Variants in AMN1 observed in about 807,000 individuals in gnomAD.
AMN1 encodes protein AMN1 homolog.
Under a neutral mutation model 33.0 loss-of-function variants are expected in AMN1, and 20 were observed. The ratio of observed to expected loss-of-function variants is 0.61; its 90% CI spans 0.43 to 0.88. The LOEUF is 0.88. Among genes scored for constraint, AMN1 ranks in the 40% least tolerant of loss-of-function variants. The probability of loss-of-function intolerance (pLI) is 0.00; values close to 1 mark genes in which losing one functional copy is unlikely to be tolerated. For synonymous variants in AMN1, 114 were observed against 111.9 expected (o/e 1.02, Z -0.12); for missense variants, 246 against 307.4 (o/e 0.80, Z 1.49).
intron 2 of AMN1, among the ~76,000 whole-genome samples, chr12:31,707,893 A>G (rs1308204959): frequency 6.6e-6 from 1 of 152,220 alleles, no homozygotes; most frequent in Non-Finnish European, 1.5e-5. Context: ...TTTCATGGAC[A>G]TTTATCACTT....
intron 1 of AMN1, among the ~76,000 whole-genome samples, chr12:31,718,324 T>G (rs1004875440): frequency 2.6e-5 from 4 of 152,110 alleles, no homozygotes; most frequent in Non-Finnish European, 5.9e-5. Flanking sequence ...TAACCTTTTA[T>G]CAAGGTTCTT....
intron 5 of AMN1, among the ~76,000 whole-genome samples, chr12:31,697,130 G>C (rs10734798): frequency 6.6e-6 from 1 of 152,046 alleles, no homozygotes; most frequent in African/African-American, 2.4e-5. Context: ...CTAAAACTTC[G>C]GGGAAATAAG....
rs1938810650 is a variant in AMN1 at position 31,697,975 on chromosome 12, T to C, written c.317-18A>G. 1 of 1,608,394 alleles carries C rather than the reference T, an allele frequency of 6.2e-7. No homozygotes were observed. The highest frequency in any genetic ancestry group is 8.5e-7 in the Non-Finnish European group (1 of 1,175,226). ...TTTTATTCCTGGGGGAAAATATAAT[T>C]ATATATCAATGAGCTATATGTGTGT... On this transcript the variant is annotated intron_variant, in intron 3 of 6. Coordinates refer to ENST00000281471, the MANE Select transcript of AMN1 (RefSeq NM_001113402.2).
At chr12:31,702,065 T>C in intron 2 of AMN1, 58 bp from the exon 3 acceptor site, 1 of 1,423,768 alleles carries the variant, frequency 7.0e-7, no homozygotes, top group Non-Finnish European at 9.4e-7. Flanking sequence ...CAAATATTTA[T>C]TCCATATTCA....
intron 5 of AMN1, among the ~76,000 whole-genome samples, chr12:31,695,101 A>G (rs1016019172): frequency 6.6e-6 from 1 of 152,224 alleles, no homozygotes; most frequent in Non-Finnish European, 1.5e-5. Context: ...ATGTAATGAT[A>G]TGGCACTATA....
intron 6 of AMN1, among the ~76,000 whole-genome samples, chr12:31,677,197 G>A (rs904167077): frequency 1.3e-5 from 2 of 152,188 alleles, no homozygotes; most frequent in Admixed American, 6.5e-5. Context: ...CTACTCGGGA[G>A]GCTGAGGCAG....
At chr12:31,686,166 C>A (rs765280600) in intron 6 of AMN1, among the ~76,000 whole-genome samples, 1 of 152,162 alleles carries the variant, frequency 6.6e-6, no homozygotes, top group African/African-American at 2.4e-5. Flanking sequence ...GGTATTTAGG[C>A]CAGGCATGGT....
intron 6 of AMN1, among the ~76,000 whole-genome samples, chr12:31,685,887 T>G (rs1473346925): frequency 1.3e-5 from 2 of 151,616 alleles, no homozygotes; most frequent in African/African-American, 4.8e-5. Context: ...AGTTTCACTC[T>G]TGTTGCCCAA....
At chr12:31,725,833 A>C (rs1238812335) in intron 1 of AMN1, among the ~76,000 whole-genome samples, 1 of 151,920 alleles carries the variant, frequency 6.6e-6, no homozygotes, top group African/African-American at 2.4e-5. Context: ...GTAGCTGGGA[A>C]TACACATGTG....
At chr12:31,710,837 ACACTT>A (rs1298628860) in intron 1 of AMN1, among the ~76,000 whole-genome samples, 4 of 152,156 alleles carry the variant, frequency 2.6e-5, no homozygotes, top group Admixed American at 1.3e-4. Context: ...AGTCTGGAAA[ACACTT>A]CATATTTCTA....
At chr12:31,725,942 A>G (rs1222870133) in intron 1 of AMN1, among the ~76,000 whole-genome samples, 1 of 152,042 alleles carries the variant, frequency 6.6e-6, no homozygotes, top group Non-Finnish European at 1.5e-5. Context: ...CAAGTGATTC[A>G]CCTGCCTCGG....
At chr12:31,684,048 A>G (rs1200186709) in intron 6 of AMN1, among the ~76,000 whole-genome samples, 1 of 152,198 alleles carries the variant, frequency 6.6e-6, no homozygotes, top group Non-Finnish European at 1.5e-5. Context: ...GGATAATAAA[A>G]TGTGTCAATA....
chr12:31,675,837 C>T (rs1407181402), intron 6 of AMN1, among the ~76,000 whole-genome samples: 2 of 151,578 alleles, frequency 1.3e-5, no homozygotes, highest in East Asian at 1.9e-4. Flanking sequence ...TTCTATCCAA[C>T]ATAGAAATGG....
At chr12:31,693,862 G>A (rs1255220033) in intron 5 of AMN1, among the ~76,000 whole-genome samples, 1 of 151,752 alleles carries the variant, frequency 6.6e-6, no homozygotes, top group African/African-American at 2.4e-5. Flanking sequence ...ATAGAGACAA[G>A]GTTTCACTGT....
chr12:31,688,136 T>G (rs1201298379), intron 6 of AMN1, among the ~76,000 whole-genome samples: 1 of 152,124 alleles, frequency 6.6e-6, no homozygotes, highest in Non-Finnish European at 1.5e-5. Context: ...GTAATTTTAG[T>G]AGAGATGGGG....
Position 31,703,431 on chromosome 12 carries a change from T to C in AMN1, c.172-1424A>G, listed in dbSNP as rs181712338. ...AACACAGTACTTGACAGGTAGTTTTTCAATCCTTGCTTCCCTTCCTCCTTC... is the reference window on the plus strand; with the variant it reads ...AACACAGTACTTGACAGGTAGTTTTCCAATCCTTGCTTCCCTTCCTCCTTC... On this transcript the variant is annotated intron_variant, in intron 2 of 6. Transcript: ENST00000281471. 4.6e-5 allele frequency among the ~76,000 whole-genome samples: 7 copies of C among 152,310 alleles called. No individual in the cohort carries two copies. The East Asian group carries it at 1.2e-3, about 25-fold the overall frequency.
At chr12:31,672,595 TAAA>T in intron 6 of AMN1, 2 of 312,552 alleles carry the variant, frequency 6.4e-6, no homozygotes, top group African/African-American at 2.2e-5. Context: ...ATTACTTGTT[TAAA>T]AAAAAAAAAC....
At chr12:31,674,070 C>T (rs1435795517) in intron 6 of AMN1, among the ~76,000 whole-genome samples, 3 of 150,526 alleles carry the variant, frequency 2.0e-5, no homozygotes, top group Admixed American at 6.6e-5. Context: ...TTTCTAGCTT[C>T]TAGAAACTAC....
At chr12:31,676,269 T>G (rs1937691040) in intron 6 of AMN1, among the ~76,000 whole-genome samples, 1 of 151,580 alleles carries the variant, frequency 6.6e-6, no homozygotes, top group Admixed American at 6.5e-5. Context: ...ATAGATTCAA[T>G]GAAATTCATA....
Sources: allele counts gnomAD v4.1 joint callset (sites outside exome capture counted in the v4.1 genomes callset), GRCh38; gene constraint gnomAD v4.1.1; transcripts MANE v1.5; gene names NCBI Gene and HGNC (gene_info 2026-07-23, HGNC 2026-07-21).